The following DTNB variants were observed in gnomAD, a reference collection of about 807,000 sequenced individuals.
DTNB encodes the protein DTN-B.
Under a neutral mutation model 90.7 loss-of-function variants are expected in DTNB, and 63 were observed. The observed-to-expected ratio is 0.69, with a 90% CI of 0.57 to 0.86. DTNB has a LOEUF of 0.86. Ranked by LOEUF, DTNB falls within the 40% of genes least tolerant of loss-of-function variation. DTNB has a pLI of 0.00. For missense variants in DTNB, 744 were observed against 807.1 expected (o/e 0.92, Z 0.95); for synonymous variants, 277 against 286.7 (o/e 0.97, Z 0.34).
intron 6 of DTNB, among the ~76,000 whole-genome samples, chr2:25,581,776 G>C (rs1421367143): frequency 6.6e-6 from 1 of 152,234 alleles, no homozygotes; most frequent in Non-Finnish European, 1.5e-5. Flanking sequence ...GGAGCTGAAA[G>C]TCCAGGTCAC....
At chr2:25,665,463 A>G (rs2084197602) in intron 1 of DTNB, among the ~76,000 whole-genome samples, 1 of 152,086 alleles carries the variant, frequency 6.6e-6, no homozygotes, top group Admixed American at 6.6e-5. Flanking sequence ...AGTCTCTAAT[A>G]AAAATAGAAA....
intron 19 of DTNB, 67 bp downstream of exon 19, chr2:25,383,768 TG>T: frequency 6.2e-7 from 1 of 1,613,332 alleles, no homozygotes; most frequent in Non-Finnish European, 8.5e-7. Context: ...AGAAACAAAG[TG>T]GGGGGCGGCT....
At chr2:25,428,335 A>C (rs371163209) in intron 14 of DTNB, among the ~76,000 whole-genome samples, 8 of 152,190 alleles carry the variant, frequency 5.3e-5, no homozygotes, top group East Asian at 3.9e-4. Flanking sequence ...TTTCTTGGAA[A>C]ATGTATGTGC....
chr2:25,591,745 C>A (rs902923065), intron 6 of DTNB, among the ~76,000 whole-genome samples: 4 of 151,978 alleles, frequency 2.6e-5, no homozygotes, highest in African/African-American at 9.7e-5. Context: ...AAAAATATAT[C>A]AAAGTAGAGA....
intron 2 of DTNB, 145 bp downstream of exon 2, chr2:25,652,449 C>T: frequency 2.6e-6 from 2 of 783,762 alleles, no homozygotes; most frequent in Non-Finnish European, 3.8e-6. Context: ...GGTCCTTCAA[C>T]TCCATGATTC....
intron 8 of DTNB, among the ~76,000 whole-genome samples, chr2:25,533,836 A>C (rs1363460495): frequency 2.6e-5 from 4 of 152,128 alleles, no homozygotes; most frequent in Non-Finnish European, 4.4e-5. Context: ...TCACTGCTCC[A>C]TACGACAGCA....
Position 25,673,192 on chromosome 2 carries a change from G to T in DTNB, c.-2+194C>A, listed in dbSNP as rs575807139. 6.2e-4 allele frequency among the ~76,000 whole-genome samples: 94 copies of T among 151,538 alleles called. 2 individuals carry two copies. The South Asian group carries it at 0.019, about 30-fold the overall frequency. ...CTGTCCCTCCGGGGCTAGCCGCGCC[G>T]TCCCACCTCGCAGCCGCGCGCGGTG... On this transcript the variant is annotated intron_variant, in intron 1 of 20. Transcript: ENST00000406818.
At chr2:25,502,133 C>T (rs2070873311) in intron 9 of DTNB, among the ~76,000 whole-genome samples, 1 of 151,814 alleles carries the variant, frequency 6.6e-6, no homozygotes, top group Non-Finnish European at 1.5e-5. Flanking sequence ...TGCAGTGAGC[C>T]GTGATTGCAC....
At chr2:25,561,993 A>G (rs2058340933) in intron 8 of DTNB, among the ~76,000 whole-genome samples, 1 of 152,160 alleles carries the variant, frequency 6.6e-6, no homozygotes, top group Non-Finnish European at 1.5e-5. Flanking sequence ...AACCATAACT[A>G]ATATCTAATT....
At chr2:25,511,736 G>C (rs1352063979) in intron 9 of DTNB, among the ~76,000 whole-genome samples, 3 of 152,124 alleles carry the variant, frequency 2.0e-5, no homozygotes, top group African/African-American at 7.2e-5. Flanking sequence ...AACATCAGTA[G>C]CAGTTTAATC....
At chr2:25,589,238 A>G (rs1383117895) in intron 6 of DTNB, among the ~76,000 whole-genome samples, 1 of 152,184 alleles carries the variant, frequency 6.6e-6, no homozygotes, top group Non-Finnish European at 1.5e-5. Flanking sequence ...GAAATGTGGC[A>G]TGGTGCCCAA....
chr2:25,644,686 A>T (rs1219378884), intron 2 of DTNB, among the ~76,000 whole-genome samples: 1 of 152,150 alleles, frequency 6.6e-6, no homozygotes, highest in Non-Finnish European at 1.5e-5. Context: ...CCTGGAGGCG[A>T]AGGCGGAGGC....
intron 2 of DTNB, among the ~76,000 whole-genome samples, chr2:25,649,143 T>C (rs1006909933): frequency 6.6e-6 from 1 of 152,160 alleles, no homozygotes; most frequent in Admixed American, 6.5e-5. Context: ...TAGCTGGGAC[T>C]ACAGGTGCCT....
intron 6 of DTNB, among the ~76,000 whole-genome samples, chr2:25,584,340 A>G (rs1216785559): frequency 6.6e-6 from 1 of 152,184 alleles, no homozygotes; most frequent in Non-Finnish European, 1.5e-5. Flanking sequence ...TAACCAAAAG[A>G]GCATATCACA....
chr2:25,644,190 C>T (rs1205698294), intron 2 of DTNB, among the ~76,000 whole-genome samples: 1 of 152,186 alleles, frequency 6.6e-6, no homozygotes, highest in African/African-American at 2.4e-5. Context: ...TTTTATTCCT[C>T]TACTTTCTTA....
chr2:25,551,789 G>C (rs1019881815), intron 8 of DTNB, among the ~76,000 whole-genome samples: 3 of 152,144 alleles, frequency 2.0e-5, no homozygotes, highest in East Asian at 3.8e-4. Context: ...TCATCTCTCT[G>C]CATTTTCTTT....
At chr2:25,523,559 T>C (rs1030211855) in intron 9 of DTNB, among the ~76,000 whole-genome samples, 1 of 149,198 alleles carries the variant, frequency 6.7e-6, no homozygotes, top group Non-Finnish European at 1.5e-5. Context: ...GAGAATTGCA[T>C]GAGCCTGGGA....
intron 19 of DTNB, 161 bp downstream of exon 19, chr2:25,383,675 A>G: frequency 6.7e-7 from 1 of 1,488,104 alleles, no homozygotes; most frequent in African/African-American, 1.4e-5. Flanking sequence ...CTGGAAGGTA[A>G]AACCTGACTG....
chr2:25,436,413 A>C (rs2055791194), intron 12 of DTNB, among the ~76,000 whole-genome samples: 1 of 152,076 alleles, frequency 6.6e-6, no homozygotes, highest in South Asian at 2.1e-4. Flanking sequence ...ATTAACCAGA[A>C]AGGCAGCTCT....
Sources: allele counts gnomAD v4.1 joint callset (sites outside exome capture counted in the v4.1 genomes callset), GRCh38; gene constraint gnomAD v4.1.1; transcripts MANE v1.5; gene names NCBI Gene and HGNC (gene_info 2026-07-23, HGNC 2026-07-21).